Variants in PTPRE observed in about 807,000 individuals in gnomAD.
PTPRE encodes receptor-type tyrosine-protein phosphatase epsilon.
In PTPRE, 51 loss-of-function variants were observed where a neutral mutation model predicts 102.0. The observed-to-expected ratio is 0.50, with a 90% CI of 0.40 to 0.63. The LOEUF is 0.63. PTPRE is among the 30% of genes least tolerant of loss of function. The pLI is 0.00. For missense variants in PTPRE, 752 were observed against 915.1 expected, an observed-to-expected ratio of 0.82 and a Z score of 2.30; for synonymous variants, 345 against 348.2, an observed-to-expected ratio of 0.99 and a Z score of 0.10.
intron 2 of PTPRE, among the ~76,000 whole-genome samples, chr10:128,020,901 CT>C (rs966287148): frequency 9.4e-4 from 135 of 144,110 alleles, no homozygotes; most frequent in South Asian, 8.9e-3. Flanking sequence ...TTTTTTTTTT[CT>C]TTTTTTTTTT....
chr10:127,998,721 A>T (rs1853542367), intron 2 of PTPRE: 1 of 152,150 alleles, frequency 6.6e-6, no homozygotes, highest in South Asian at 2.1e-4. Context: ...TGTTGGAGCT[A>T]CTGGTGCACC....
At chr10:127,957,087 A>G (rs1384718146) in intron 1 of PTPRE, among the ~76,000 whole-genome samples, 1 of 152,134 alleles carries the variant, frequency 6.6e-6, no homozygotes, top group Admixed American at 6.6e-5. Flanking sequence ...TATGAGGTTC[A>G]ATGTATCAAT....
At chr10:128,035,524 C>T (rs114570054) in intron 2 of PTPRE, among the ~76,000 whole-genome samples, 2,937 of 152,266 alleles carry the variant, frequency 0.019, 90 homozygotes, top group African/African-American at 0.064. Context: ...TCTTTAAGTG[C>T]GGTGGCTTTG....
chr10:127,992,819 C>G (rs1440930153), intron 2 of PTPRE, among the ~76,000 whole-genome samples: 1 of 152,204 alleles, frequency 6.6e-6, no homozygotes, highest in Admixed American at 6.5e-5. Flanking sequence ...TTCAGAAACT[C>G]AAATATGTGG....
intron 1 of PTPRE, among the ~76,000 whole-genome samples, chr10:127,974,759 A>C (rs1172551279): frequency 6.6e-6 from 1 of 152,208 alleles, no homozygotes; most frequent in African/African-American, 2.4e-5. Context: ...AGAACTTTTC[A>C]TATACTGAAG....
At chr10:127,938,268 T>C (rs1367135440) in intron 1 of PTPRE, among the ~76,000 whole-genome samples, 1 of 152,218 alleles carries the variant, frequency 6.6e-6, no homozygotes, top group African/African-American at 2.4e-5. Flanking sequence ...GCTGTGTCAC[T>C]GAAACACTCT....
chr10:128,017,934 C>G (rs569825766), intron 2 of PTPRE, among the ~76,000 whole-genome samples: 1 of 152,368 alleles, frequency 6.6e-6, no homozygotes, highest in Admixed American at 6.5e-5. Flanking sequence ...ACTCGGGCAT[C>G]CTGCATGCTT....
chr10:127,947,625 G>A (rs192992611), intron 1 of PTPRE, among the ~76,000 whole-genome samples: 89 of 152,224 alleles, frequency 5.8e-4, no homozygotes, highest in Non-Finnish European at 1.1e-3. Context: ...TTCTGTGCCC[G>A]GCTATTCTCC....
chr10:128,038,220 C>T (rs1392207526), intron 2 of PTPRE, among the ~76,000 whole-genome samples: 2 of 152,028 alleles, frequency 1.3e-5, no homozygotes, highest in East Asian at 3.9e-4. Flanking sequence ...TTGTCATTGG[C>T]CTTAAAACTA....
intron 6 of PTPRE, among the ~76,000 whole-genome samples, chr10:128,052,971 G>A (rs565849657): frequency 3.3e-5 from 5 of 152,282 alleles, no homozygotes; most frequent in Non-Finnish European, 4.4e-5. Context: ...TCTCTAGGCC[G>A]GGTGTGGTGG....
intron 1 of PTPRE, among the ~76,000 whole-genome samples, chr10:127,968,833 T>C (rs12266909): frequency 0.14 from 21,502 of 152,256 alleles, 1,633 homozygotes; most frequent in South Asian, 0.24. Flanking sequence ...TCCCTTTCCC[T>C]GGAGATAAGA....
At chr10:127,935,784 A>G (rs1159806621) in intron 1 of PTPRE, among the ~76,000 whole-genome samples, 1 of 152,150 alleles carries the variant, frequency 6.6e-6, no homozygotes, top group Admixed American at 6.5e-5. Context: ...AGACATTCAC[A>G]GGGACCCCTC....
chr10:128,042,260 C>A (rs1265203679), intron 3 of PTPRE, among the ~76,000 whole-genome samples: 1 of 152,230 alleles, frequency 6.6e-6, no homozygotes, highest in Non-Finnish European at 1.5e-5. Flanking sequence ...GGCAGAACAT[C>A]CGTTTGCGCA....
chr10:128,079,313 G>T lies in PTPRE; in HGVS notation c.1893-247G>T, dbSNP rs183883944. Among the ~76,000 whole-genome samples, 859 of 152,258 alleles carry T rather than the reference G, an allele frequency of 5.6e-3. 7 individuals carry two copies. Among genetic ancestry groups the T allele is most frequent in the Non-Finnish European group, 8.4e-3 (571 of 68,020 alleles). On this transcript the variant is annotated intron_variant, in intron 19 of 20. Transcript: ENST00000254667. ...ATACTTGCTTAAAAACTTGTCACTG[G>T]TCCTGTCTCATTTTATAAAATATCG...
At chr10:127,982,171 A>G in intron 1 of PTPRE, 103 bp from the exon 2 acceptor site, 1 of 649,410 alleles carries the variant, frequency 1.5e-6, no homozygotes, top group Non-Finnish European at 2.3e-6. Flanking sequence ...ATTAAGCAAA[A>G]ATGGGATAGT....
chr10:128,033,737 C>T lies in PTPRE; in HGVS notation c.-7-7138C>T, dbSNP rs181744726. 9.2e-5 allele frequency among the ~76,000 whole-genome samples: 14 copies of T among 152,316 alleles called. No homozygotes were observed. The East Asian group carries it at 2.5e-3, about 27-fold the overall frequency. On this transcript the variant is annotated intron_variant, in intron 2 of 20. Transcript: ENST00000254667. ...TCGGCTCATTGCAACCTCCGCCTCC[C>T]GGGTTCAAGCGATTCTCCTGTCTCA...
chr10:128,042,411 G>C (rs1847779799), intron 3 of PTPRE, among the ~76,000 whole-genome samples: 1 of 152,200 alleles, frequency 6.6e-6, no homozygotes. Context: ...TATTGCCATA[G>C]ACATGGGGTG....
chr10:128,066,203 C>G lies in PTPRE; in HGVS notation c.843+9C>G. ...AGTTCTGCATACAGCCAGTAAGCAT[C>G]TCTAGTTGCTGCCCTTCCAGAAAGA... On this transcript the variant is annotated intron_variant, in intron 11 of 20. Coordinates refer to ENST00000254667, the MANE Select transcript of PTPRE (RefSeq NM_006504.6). The G allele has an allele frequency of 6.2e-7, 1 of 1,612,214 alleles. No homozygotes were observed. Among genetic ancestry groups the G allele is most frequent in the East Asian group, 2.2e-5 (1 of 44,834 alleles).
intron 1 of PTPRE, among the ~76,000 whole-genome samples, chr10:127,946,029 T>C (rs1307236161): frequency 6.6e-6 from 1 of 151,998 alleles, no homozygotes; most frequent in East Asian, 1.9e-4. Flanking sequence ...TCTGGCACCT[T>C]GAGGTGAAGA....
Sources: allele counts gnomAD v4.1 joint callset (sites outside exome capture counted in the v4.1 genomes callset), GRCh38; gene constraint gnomAD v4.1.1; transcripts MANE v1.5; gene names NCBI Gene and HGNC (gene_info 2026-07-23, HGNC 2026-07-21).